Variants in PDZD2 observed in about 807,000 individuals in gnomAD.
The protein encoded by PDZD2 is PDZ domain-containing protein 2.
PDZD2 carries 90 observed loss-of-function variants against 220.7 expected under a neutral mutation model. The observed-to-expected ratio is 0.41, with a 90% confidence interval of 0.34 to 0.49. The LOEUF (loss-of-function observed/expected upper bound fraction) is 0.49. Ranked by LOEUF, PDZD2 falls within the 20% of genes least tolerant of loss-of-function variation. PDZD2 has a pLI of 0.28. For synonymous variants in PDZD2, 1,375 were observed against 1,450.5 expected (o/e 0.95, Z 1.18); for missense variants, 3,174 against 3,608.5 (o/e 0.88, Z 3.08).
At position 32,088,481 on chromosome 5, in the gene PDZD2, C is replaced by G. The variant is rs143160911; in HGVS notation, c.5033C>G (p.Thr1678Ser). 5 of 1,613,958 alleles carry G rather than the reference C, an allele frequency of 3.1e-6. No homozygotes were observed. The African/African-American group carries it at 6.7e-5, about 22-fold the overall frequency. The change falls in exon 20 of 25, where the codon ACT (threonine) becomes AGT (serine). Residue 1678 changes from threonine to serine, a missense_variant. Thr to Ser is a moderately conservative substitution (Grantham distance 58). Coordinates refer to ENST00000438447, the MANE Select transcript of PDZD2 (RefSeq NM_178140.4). This position sits in a 1 kb window ranked among gnomAD's most constrained non-coding sequence, Gnocchi z 4.6. ...LLEMSSQEHE[T>S]HADISTSQNH... ...GAGATGAGCTCTCAGGAGCATGAAACTCATGCGGACATAAGCACTTCACAG... is the reference window on the plus strand; with the variant it reads ...GAGATGAGCTCTCAGGAGCATGAAAGTCATGCGGACATAAGCACTTCACAG...
At chr5:32,009,208 G>T (rs1753091277) in intron 5 of PDZD2, among the ~76,000 whole-genome samples, 1 of 151,964 alleles carries the variant, frequency 6.6e-6, no homozygotes, top group African/African-American at 2.4e-5. Flanking sequence ...GCCAGGCATG[G>T]TGGCGTGTGC....
chr5:31,857,345 C>T (rs1758549710), intron 2 of PDZD2, among the ~76,000 whole-genome samples: 1 of 152,132 alleles, frequency 6.6e-6, no homozygotes, highest in Non-Finnish European at 1.5e-5. Flanking sequence ...ATTTATTTTG[C>T]TGATTTCTCA....
At chr5:31,958,385 C>G (rs1175396534) in intron 2 of PDZD2, among the ~76,000 whole-genome samples, 5 of 151,880 alleles carry the variant, frequency 3.3e-5, no homozygotes, top group African/African-American at 1.2e-4. Flanking sequence ...TCCTGAGTAG[C>G]TGGGATTACA....
At chr5:32,058,527 AGCTGG>A (rs1739341862) in intron 12 of PDZD2, among the ~76,000 whole-genome samples, 1 of 149,156 alleles carries the variant, frequency 6.7e-6, no homozygotes, top group Non-Finnish European at 1.5e-5. Flanking sequence ...AAAAAAAATT[AGCTGG>A]GCGTGGTGGC....
intron 19 of PDZD2, among the ~76,000 whole-genome samples, chr5:32,078,545 T>C (rs1206871208): frequency 6.6e-6 from 1 of 150,806 alleles, no homozygotes; most frequent in African/African-American, 2.4e-5. Flanking sequence ...GGCAGTAGAA[T>C]TGCTTGAACC....
chr5:31,734,798 C>T (rs1212851519), intron 1 of PDZD2, among the ~76,000 whole-genome samples: 2 of 152,200 alleles, frequency 1.3e-5, no homozygotes, highest in African/African-American at 4.8e-5. Flanking sequence ...CTACAGCTAT[C>T]CAGGAGCCCT....
At chr5:32,105,125 C>T (rs564104889) in intron 24 of PDZD2, among the ~76,000 whole-genome samples, 1 of 151,258 alleles carries the variant, frequency 6.6e-6, no homozygotes, top group Non-Finnish European at 1.5e-5. Context: ...CAGAGGGAGA[C>T]CTTGTCTCAA....
At chr5:31,876,288 ATTTTTT>A (rs1561533129) in intron 2 of PDZD2, among the ~76,000 whole-genome samples, 1 of 130,884 alleles carries the variant, frequency 7.6e-6, no homozygotes, top group African/African-American at 3.1e-5. Flanking sequence ...TTGAATTTGA[ATTTTTT>A]TTCTTTTTTT....
intron 5 of PDZD2, among the ~76,000 whole-genome samples, chr5:32,007,294 T>C (rs1202025573): frequency 6.6e-6 from 1 of 151,768 alleles, no homozygotes; most frequent in Admixed American, 6.6e-5. Context: ...ATTACGGGTA[T>C]GAGCCACTAC....
chr5:31,894,408 A>G (rs1251662179), intron 2 of PDZD2, among the ~76,000 whole-genome samples: 1 of 152,112 alleles, frequency 6.6e-6, no homozygotes, highest in Non-Finnish European at 1.5e-5. Flanking sequence ...GTCTCAGTCC[A>G]GATTTTCCTG....
intron 7 of PDZD2, among the ~76,000 whole-genome samples, chr5:32,039,664 C>T (rs1402817071): frequency 6.6e-6 from 1 of 151,372 alleles, no homozygotes; most frequent in Admixed American, 6.6e-5. Context: ...AAGTGAGCCT[C>T]TGCCTGGCCG....
At chr5:31,655,532 A>C (rs898056705) in intron 1 of PDZD2, among the ~76,000 whole-genome samples, 1 of 143,152 alleles carries the variant, frequency 7.0e-6, no homozygotes, top group African/African-American at 2.6e-5. Flanking sequence ...GCTTCTCGCC[A>C]TTACCATGTA....
chr5:32,093,137 G>A (rs1743330353), intron 21 of PDZD2, 113 bp downstream of exon 21: 3 of 654,412 alleles, frequency 4.6e-6, no homozygotes, highest in Middle Eastern at 3.0e-4. Flanking sequence ...TGGAGAGGGA[G>A]GACTGCCTTG....
At chr5:31,855,245 C>G (rs1323849423) in intron 2 of PDZD2, 1 of 419,874 alleles carries the variant, frequency 2.4e-6, no homozygotes, top group Non-Finnish European at 3.2e-6. Context: ...GGGGCTGAAT[C>G]CACAAATGTG....
intron 7 of PDZD2, among the ~76,000 whole-genome samples, chr5:32,041,274 G>A (rs1296443309): frequency 6.6e-6 from 1 of 151,082 alleles, no homozygotes; most frequent in Admixed American, 6.6e-5. Flanking sequence ...CTGCCTGGCC[G>A]CCCCGTCTGG....
chr5:31,986,662 G>A (rs1472784261), intron 3 of PDZD2, among the ~76,000 whole-genome samples: 2 of 149,956 alleles, frequency 1.3e-5, no homozygotes, highest in Admixed American at 6.7e-5. Flanking sequence ...CGGGGGGCGG[G>A]GGGGAATTTC....
intron 1 of PDZD2, among the ~76,000 whole-genome samples, chr5:31,656,796 A>C (rs764838263): frequency 2.0e-5 from 3 of 152,196 alleles, no homozygotes; most frequent in Non-Finnish European, 4.4e-5. Flanking sequence ...TAAAATTTTA[A>C]CTGCCTTTTA....
intron 1 of PDZD2, among the ~76,000 whole-genome samples, chr5:31,724,098 G>T (rs1748967518): frequency 6.6e-6 from 1 of 152,102 alleles, no homozygotes; most frequent in Admixed American, 6.6e-5. Context: ...GCTTCTAACA[G>T]CTGTAAAAAA....
intron 2 of PDZD2, among the ~76,000 whole-genome samples, chr5:31,828,093 T>C (rs533531098): frequency 5.0e-4 from 76 of 152,338 alleles, no homozygotes; most frequent in African/African-American, 1.7e-3. Context: ...TAACCATCCA[T>C]CCATTTGTGG....
Sources: gnomAD v4.1 joint callset for allele counts (sites outside exome capture counted in the v4.1 genomes callset) on GRCh38, gnomAD v4.1.1 for gene constraint, Gnocchi (gnomAD v3.1) non-coding constraint, MANE v1.5 for transcripts, NCBI Gene and HGNC (gene_info 2026-07-23, HGNC 2026-07-21) for gene names.